The following KHDRBS3 variants were observed in gnomAD, a reference collection of about 807,000 sequenced individuals.
KHDRBS3 encodes the protein KH RNA binding domain containing, signal transduction associated 3.
A neutral mutation model predicts 45.6 loss-of-function variants in KHDRBS3; 23 were observed. The observed-to-expected ratio is 0.50, with a 90% CI of 0.36 to 0.72. The LOEUF (loss-of-function observed/expected upper bound fraction) is 0.72, where lower values mean the gene tolerates loss of function less well. Among genes scored for constraint, KHDRBS3 ranks in the 30% least tolerant of loss-of-function variants. KHDRBS3 has a pLI of 0.00. For missense variants in KHDRBS3, 352 were observed against 424.8 expected (o/e 0.83, Z 1.51); for synonymous variants, 162 against 156.5 (o/e 1.04, Z -0.26).
intron 7 of KHDRBS3, chr8:135,625,958 C>T (rs1830339537): frequency 8.8e-6 from 7 of 799,244 alleles, no homozygotes; most frequent in Non-Finnish European, 1.4e-5. Flanking sequence ...TGGTCACTGA[C>T]GTTGAGTATA....
chr8:135,607,107 A>T (rs1829499836), intron 7 of KHDRBS3, 70 bp downstream of exon 7: 1 of 1,240,438 alleles, frequency 8.1e-7, no homozygotes, highest in South Asian at 1.3e-5. Context: ...ATATTCTGGG[A>T]AAAGTATGGC....
chr8:135,545,772 A>C (rs1476194450), intron 3 of KHDRBS3, among the ~76,000 whole-genome samples: 5 of 152,198 alleles, frequency 3.3e-5, no homozygotes, highest in South Asian at 2.1e-4. Flanking sequence ...CACATGATCC[A>C]TCAGTCATTC....
intron 1 of KHDRBS3, among the ~76,000 whole-genome samples, chr8:135,465,885 G>A (rs1453962083): frequency 6.6e-6 from 1 of 152,146 alleles, no homozygotes; most frequent in Non-Finnish European, 1.5e-5. Context: ...GTCTGTTTTC[G>A]ATATATATCT....
chr8:135,583,013 C>A (rs977741418), intron 6 of KHDRBS3, among the ~76,000 whole-genome samples: 2 of 152,186 alleles, frequency 1.3e-5, no homozygotes, highest in Non-Finnish European at 2.9e-5. Flanking sequence ...GTCTTCCAGA[C>A]CTTTGCTTAT....
intron 5 of KHDRBS3, among the ~76,000 whole-genome samples, chr8:135,560,920 G>A (rs555957717): frequency 3.9e-5 from 6 of 152,210 alleles, no homozygotes; most frequent in African/African-American, 1.4e-4. Context: ...GCACCAGCAG[G>A]GCACTGAACA....
chr8:135,639,331 T>TG (rs2131174927), intron 7 of KHDRBS3, among the ~76,000 whole-genome samples: 1 of 152,188 alleles, frequency 6.6e-6, no homozygotes, highest in East Asian at 1.9e-4. Flanking sequence ...GAGTGTGACG[T>TG]GGAGGGATTG....
At chr8:135,567,928 A>C (rs1827509520) in intron 5 of KHDRBS3, among the ~76,000 whole-genome samples, 1 of 152,218 alleles carries the variant, frequency 6.6e-6, no homozygotes, top group Admixed American at 6.5e-5. Context: ...TTAGAATCAG[A>C]CCTAAATTCA....
At chr8:135,469,161 CTG>C (rs1339869306) in intron 1 of KHDRBS3, among the ~76,000 whole-genome samples, 2 of 152,220 alleles carry the variant, frequency 1.3e-5, no homozygotes, top group East Asian at 3.8e-4. Context: ...TGTCTCAGAA[CTG>C]TGTTTCTTCA....
Position 135,645,093 on chromosome 8 carries a change from A to C in KHDRBS3, c.925A>C (p.Ser309Arg). The change falls in exon 8 of 9, where the codon AGT (serine) becomes CGT (arginine). Residue 309 changes from serine to arginine, a missense_variant. By Grantham distance (110) the Ser-to-Arg change is moderately radical. This residue lies in a region of KHDRBS3 where 212 missense variants were observed against 209.6 expected (regional missense o/e 1.01). Coordinates refer to ENST00000355849, the MANE Select transcript of KHDRBS3 (RefSeq NM_006558.3). Reference sequence around the variant, plus strand: ...TTACTATGATTACGGACATGGACTCAGTGAGGAGACTTATGATTCCTACGG... The same window carrying C: ...TTACTATGATTACGGACATGGACTCCGTGAGGAGACTTATGATTCCTACGG... ...ADYYDYGHGL[S>R]EETYDSYGQE... 6.2e-7 allele frequency: 1 copy of C among 1,613,738 alleles called. No individual in the cohort carries two copies. Among genetic ancestry groups the C allele is most frequent in the Non-Finnish European group, 8.5e-7 (1 of 1,179,892 alleles).
At chr8:135,585,118 A>G (rs1262907248) in intron 6 of KHDRBS3, among the ~76,000 whole-genome samples, 1 of 150,170 alleles carries the variant, frequency 6.7e-6, no homozygotes, top group Non-Finnish European at 1.5e-5. Flanking sequence ...AAACCCACCT[A>G]CTTAGGAGGC....
intron 5 of KHDRBS3, among the ~76,000 whole-genome samples, chr8:135,562,311 C>G (rs1827205959): frequency 6.6e-6 from 1 of 152,050 alleles, no homozygotes; most frequent in African/African-American, 2.4e-5. Context: ...ACACAAACAC[C>G]TATCATTGTG....
At chr8:135,522,727 A>G (rs944704048) in intron 2 of KHDRBS3, among the ~76,000 whole-genome samples, 2 of 152,192 alleles carry the variant, frequency 1.3e-5, no homozygotes, top group African/African-American at 4.8e-5. Flanking sequence ...GCCAACCTCA[A>G]GGAAATGTTA....
At chr8:135,467,279 T>G (rs373920275) in intron 1 of KHDRBS3, among the ~76,000 whole-genome samples, 13 of 152,384 alleles carry the variant, frequency 8.5e-5, no homozygotes, top group East Asian at 3.9e-4. Context: ...CTTTTACAAA[T>G]GAATACTTAA....
chr8:135,514,279 T>G (rs1324051928), intron 1 of KHDRBS3, among the ~76,000 whole-genome samples: 1 of 152,264 alleles, frequency 6.6e-6, no homozygotes, highest in Non-Finnish European at 1.5e-5. Context: ...TAGTCTTTAA[T>G]TATTTACAAT....
At chr8:135,583,236 G>A (rs928172416) in intron 6 of KHDRBS3, among the ~76,000 whole-genome samples, 4 of 152,198 alleles carry the variant, frequency 2.6e-5, no homozygotes, top group Admixed American at 1.3e-4. Flanking sequence ...TTATACTTGG[G>A]AGAGAGTGCA....
intron 7 of KHDRBS3, among the ~76,000 whole-genome samples, chr8:135,618,294 A>G (rs949288858): frequency 6.6e-6 from 1 of 152,182 alleles, no homozygotes; most frequent in Non-Finnish European, 1.5e-5. Context: ...GAGTTCTGGG[A>G]AGGAGGAGGT....
chr8:135,578,556 G>T (rs1207673331), intron 5 of KHDRBS3, among the ~76,000 whole-genome samples: 2 of 151,926 alleles, frequency 1.3e-5, no homozygotes, highest in African/African-American at 2.4e-5. Context: ...CAGTTTCTGG[G>T]CTCTGTATTT....
Position 135,515,365 on chromosome 8 carries a change from TAAAAAAAAAAAAAAAAAAA to T in KHDRBS3, c.89-5853_89-5835del, listed in dbSNP as rs59502823. 3.2e-3 allele frequency among the ~76,000 whole-genome samples: 127 copies of T among 39,740 alleles called. 5 individuals carry two copies. The East Asian group carries it at 0.039, about 12-fold the overall frequency. The allele number at this position is 39,740 out of a possible 152,430, so 26.1% of individuals were successfully genotyped here. A position where few individuals can be genotyped will look rare whatever the true frequency, so the allele number is the denominator to read the frequency against. On this transcript the variant is annotated intron_variant, in intron 1 of 8. Coordinates refer to ENST00000355849, the MANE Select transcript of KHDRBS3 (RefSeq NM_006558.3). Reference sequence around the variant, plus strand: ...TGGGCGACAGAGCGAGACTCCGTCTTAAAAAAAAAAAAAAAAAAAAAAAAAAAAAAAAAAAAAGATTCCC... The same window carrying T: ...TGGGCGACAGAGCGAGACTCCGTCTTAAAAAAAAAAAAAAAAAAGATTCCC...
chr8:135,631,928 G>A (rs1830621039), intron 7 of KHDRBS3, among the ~76,000 whole-genome samples: 1 of 152,160 alleles, frequency 6.6e-6, no homozygotes, highest in Non-Finnish European at 1.5e-5. Context: ...CACAAGTAAT[G>A]CATTGCGCTA....
Sources: allele counts gnomAD v4.1 joint callset (sites outside exome capture counted in the v4.1 genomes callset), GRCh38; gene constraint gnomAD v4.1.1; regional missense constraint gnomAD v4.1.1; transcripts MANE v1.5; gene names NCBI Gene and HGNC (gene_info 2026-07-23, HGNC 2026-07-21).